The following KDM3B variants were observed in gnomAD, a reference collection of about 807,000 sequenced individuals.
The protein encoded by KDM3B is lysine demethylase 3B, also known as lysine-specific demethylase 3B.
Under a neutral mutation model 170.0 loss-of-function variants are expected in KDM3B, and 10 were observed. The observed-to-expected ratio is 0.06, with a 90% confidence interval of 0.04 to 0.10. The LOEUF (loss-of-function observed/expected upper bound fraction) is 0.10. Among genes scored for constraint, KDM3B ranks in the 10% least tolerant of loss-of-function variants. The probability of loss-of-function intolerance (pLI) is 1.00; values close to 1 mark genes in which losing one functional copy is unlikely to be tolerated. For synonymous variants in KDM3B, 831 were observed against 834.8 expected, an observed-to-expected ratio of 1.00 and a Z score of 0.08; for missense variants, 1,394 against 2,195.2, an observed-to-expected ratio of 0.64 and a Z score of 7.29.
rs770385456 is a variant in KDM3B, at chr5:138,427,980, A to G, written c.4647A>G (p.Ala1549=). Reference sequence around the variant, plus strand: ...TTTCTCCTTTAGGGTTGATAACAGCAGAAGATAGAAGAGTTGGTACAACAA... The same window carrying G: ...TTTCTCCTTTAGGGTTGATAACAGCGGAAGATAGAAGAGTTGGTACAACAA... ...KMYNAYGLIT[A]EDRRVGTTNL... The change falls in exon 20 of 24, where the codon GCA becomes GCG. Residue 1549 remains alanine, a synonymous_variant. Transcript: ENST00000314358. 28 of 1,613,498 alleles carry G rather than the reference A, an allele frequency of 1.7e-5. No individual in the cohort carries two copies. The highest frequency in any genetic ancestry group is 1.9e-5 in the Non-Finnish European group (23 of 1,179,620).
Position 138,426,978 on chromosome 5 carries a change from G to A in KDM3B, c.4415G>A (p.Arg1472Gln). 6.2e-7 allele frequency: 1 copy of A among 1,613,396 alleles called. No individual in the cohort carries two copies. Among genetic ancestry groups the A allele is most frequent in the Non-Finnish European group, 8.5e-7 (1 of 1,179,574 alleles). ...FWDGFEIICK[R>Q]LRSEDGQPMV... is the part of the protein sequence containing the mutation. ...GGGAGTATTCTCTGTCTTCCAGAAC[G>A]ACTACGGTCAGAAGATGGGCAGCCA... The change falls in exon 18 of 24, where the codon CGA becomes CAA. Residue 1472 changes from arginine (R) to glutamine (Q), a missense_variant. Physicochemically the swap from Arg to Gln is conservative, Grantham distance 43. Transcript: ENST00000314358.
At chr5:138,394,373 A>G (rs2269950) in intron 9 of KDM3B, among the ~76,000 whole-genome samples, 32,421 of 152,094 alleles carry the variant, frequency 0.21, 3,850 homozygotes, top group East Asian at 0.56. Flanking sequence ...GGCTCTCTCT[A>G]AAAGAAAAAG....
intron 1 of KDM3B, among the ~76,000 whole-genome samples, chr5:138,370,103 A>G (rs1313350905): frequency 6.6e-6 from 1 of 152,198 alleles, no homozygotes; most frequent in African/African-American, 2.4e-5. Flanking sequence ...GGCAGGGGCT[A>G]TGTCTTATTC....
intron 1 of KDM3B, among the ~76,000 whole-genome samples, chr5:138,359,108 A>C (rs1430089616): frequency 6.6e-6 from 1 of 151,718 alleles, no homozygotes; most frequent in Non-Finnish European, 1.5e-5. Flanking sequence ...CCATGTCCCT[A>C]CAAAGGACAT....
intron 11 of KDM3B, among the ~76,000 whole-genome samples, chr5:138,410,515 G>A (rs1461596496): frequency 6.6e-6 from 1 of 152,120 alleles, no homozygotes; most frequent in Non-Finnish European, 1.5e-5. Context: ...CCTCTGGAGG[G>A]ACCAGCCCCA....
At chr5:138,370,462 T>A (rs537325813) in intron 1 of KDM3B, among the ~76,000 whole-genome samples, 1 of 152,338 alleles carries the variant, frequency 6.6e-6, no homozygotes, top group African/African-American at 2.4e-5. Context: ...ATCATTATAA[T>A]TTTTATGTTG....
At chr5:138,374,373 C>T in intron 2 of KDM3B, 1 of 389,490 alleles carries the variant, frequency 2.6e-6, no homozygotes. Context: ...ATTCTCCTGC[C>T]TCAGCCTCCC....
intron 1 of KDM3B, among the ~76,000 whole-genome samples, chr5:138,369,650 G>T (rs1223665034): frequency 1.3e-5 from 2 of 152,122 alleles, no homozygotes; most frequent in Non-Finnish European, 2.9e-5. Flanking sequence ...AATAGGTCCT[G>T]ACCATCCCAG....
At chr5:138,354,120 T>C (rs1228539679) in intron 1 of KDM3B, among the ~76,000 whole-genome samples, 1 of 152,194 alleles carries the variant, frequency 6.6e-6, no homozygotes, top group Non-Finnish European at 1.5e-5. Flanking sequence ...TTCTTCCTAT[T>C]GATCAACGGT....
In KDM3B at chr5:138,391,195, C is replaced by G. The variant is rs748028146; in HGVS notation, c.1563C>G (p.Leu521=). The G allele has an allele frequency of 6.2e-6, 10 of 1,614,056 alleles. No individual in the cohort carries two copies. Among genetic ancestry groups the G allele is most frequent in the Non-Finnish European group, 8.5e-6 (10 of 1,179,958 alleles). Residue 521 remains leucine (L), a synonymous_variant, in exon 8 of 24, where the codon CTC becomes CTG. Transcript: ENST00000314358. This position sits in a 1 kb window ranked among gnomAD's most constrained non-coding sequence, Gnocchi z 5.0. ...SAQEAQKDTD[L]SKNLFFQCMS... is the part of the protein sequence containing the mutation. ...AAGAGGCACAGAAAGACACTGATCT[C>G]TCCAAAAACTTGTTTTTTCAATGCA...
intron 23 of KDM3B, among the ~76,000 whole-genome samples, chr5:138,434,020 G>A (rs533588845): frequency 5.3e-5 from 8 of 152,282 alleles, no homozygotes; most frequent in East Asian, 1.9e-4. Flanking sequence ...GATTACAGGC[G>A]TGAGTCACCG....
chr5:138,366,333 C>CT (rs1761744495), intron 1 of KDM3B, among the ~76,000 whole-genome samples: 1 of 150,866 alleles, frequency 6.6e-6, no homozygotes, highest in South Asian at 2.1e-4. Flanking sequence ...TTTTTCTTTC[C>CT]TTCTTTCTTT....
intron 1 of KDM3B, among the ~76,000 whole-genome samples, chr5:138,356,722 A>G (rs1761458548): frequency 7.2e-6 from 1 of 139,810 alleles, no homozygotes; most frequent in East Asian, 2.2e-4. Context: ...AGCTCACTGC[A>G]ACCTCTGCCT....
At position 138,362,516 on chromosome 5, in the gene KDM3B, C is replaced by T. The variant is rs557135482; in HGVS notation, c.192+9529C>T. 1.3e-3 allele frequency among the ~76,000 whole-genome samples: 200 copies of T among 148,410 alleles called. 1 individual carries two copies. The highest frequency in any genetic ancestry group is 4.6e-3 in the African/African-American group (184 of 40,192). ...TGGTGTGCACCTATAGGGAGGATCACTTGAGCCCAGGATATATATATACAT... is the reference window on the plus strand; with the variant it reads ...TGGTGTGCACCTATAGGGAGGATCATTTGAGCCCAGGATATATATATACAT... On this transcript the variant is annotated intron_variant, in intron 1 of 23. Coordinates refer to ENST00000314358, the MANE Select transcript of KDM3B (RefSeq NM_016604.4).
chr5:138,391,643 G>C lies in KDM3B; in HGVS notation c.2011G>C (p.Ala671Pro). 6.2e-7 allele frequency: 1 copy of C among 1,614,046 alleles called. No homozygotes were observed. The highest frequency in any genetic ancestry group is 8.5e-7 in the Non-Finnish European group (1 of 1,180,018). The change falls in exon 8 of 24, where the codon GCA becomes CCA. Residue 671 changes from alanine to proline, a missense_variant. Ala to Pro is a conservative substitution (Grantham distance 27). Around this residue, in one of 19 missense-constraint regions of KDM3B, gnomAD observed 294 missense variants for 311.7 expected, o/e 0.94. Coordinates refer to ENST00000314358, the MANE Select transcript of KDM3B (RefSeq NM_016604.4). The surrounding 1 kb of genome is among the most constrained non-coding windows in gnomAD (Gnocchi z 5.0). ...SSATTVTSKV[A>P]PSWPESHSSA... ...TGCTACCACTGTCACCTCCAAGGTG[G>C]CACCCAGCTGGCCCGAGTCTCACTC...
At chr5:138,354,662 C>G (rs1761408597) in intron 1 of KDM3B, among the ~76,000 whole-genome samples, 1 of 152,190 alleles carries the variant, frequency 6.6e-6, no homozygotes, top group Admixed American at 6.5e-5. Flanking sequence ...TGGACACCCA[C>G]TAAGCTAAAT....
intron 6 of KDM3B, among the ~76,000 whole-genome samples, chr5:138,385,631 T>G (rs998796245): frequency 6.6e-6 from 1 of 152,240 alleles, no homozygotes; most frequent in African/African-American, 2.4e-5. Flanking sequence ...CAAGTTTCTT[T>G]CAAGCAAGGA....
At position 138,436,021 on chromosome 5, in the gene KDM3B, C is replaced by A; in HGVS notation, c.*321C>A. ...TCCTGATTTGAGATTCACGGGCACA[C>A]CTTTCTTTTCTTTTCCTCTTGTGCC... is the stretch of plus-strand genomic sequence containing the variant. On this transcript the variant is annotated 3_prime_UTR_variant, in exon 24 of 24. Coordinates refer to ENST00000314358, the MANE Select transcript of KDM3B (RefSeq NM_016604.4). 3.5e-6 allele frequency: 1 copy of A among 287,360 alleles called. No homozygotes were observed. Among genetic ancestry groups the A allele is most frequent in the Non-Finnish European group, 6.6e-6 (1 of 152,062 alleles). 17.8% of individuals were successfully genotyped at this position (287,360 alleles called of 1,614,324 possible).
intron 17 of KDM3B, among the ~76,000 whole-genome samples, chr5:138,426,254 G>T (rs1483864933): frequency 6.6e-6 from 1 of 152,078 alleles, no homozygotes; most frequent in Non-Finnish European, 1.5e-5. Context: ...TGTCCATTAT[G>T]GGGGTTTACA....
Sources: gnomAD v4.1 joint callset for allele counts (sites outside exome capture counted in the v4.1 genomes callset) on GRCh38, gnomAD v4.1.1 for gene constraint, gnomAD v4.1.1 regional missense constraint, Gnocchi (gnomAD v3.1) non-coding constraint, MANE v1.5 for transcripts, NCBI Gene and HGNC (gene_info 2026-07-23, HGNC 2026-07-21) for gene names.